Variants in UVRAG observed in about 807,000 individuals in gnomAD.
UVRAG encodes the protein UV radiation resistance-associated gene protein.
A neutral mutation model predicts 78.0 loss-of-function variants in UVRAG; 19 were observed. The ratio of observed to expected loss-of-function variants is 0.24; its 90% CI spans 0.17 to 0.36. The LOEUF is 0.36. UVRAG is among the 10% of genes least tolerant of loss of function. UVRAG has a pLI of 1.00. For synonymous variants in UVRAG, 323 were observed against 324.6 expected, an observed-to-expected ratio of 1.00 and a Z score of 0.05; for missense variants, 740 against 853.8, an observed-to-expected ratio of 0.87 and a Z score of 1.66.
chr11:75,837,204 G>A (rs1590916874), intron 1 of UVRAG, among the ~76,000 whole-genome samples: 1 of 151,988 alleles, frequency 6.6e-6, no homozygotes, highest in Non-Finnish European at 1.5e-5. Context: ...GCAGGCACCT[G>A]TAGTCCCAGC....
intron 14 of UVRAG, among the ~76,000 whole-genome samples, chr11:76,129,013 A>G (rs75429581): frequency 0.021 from 3,224 of 152,340 alleles, 41 homozygotes; most frequent in South Asian, 0.041. Flanking sequence ...ACTGCAAACC[A>G]GGCACTCTTC....
intron 5 of UVRAG, among the ~76,000 whole-genome samples, chr11:75,900,190 C>G (rs538011857): frequency 1.2e-4 from 18 of 152,282 alleles, no homozygotes; most frequent in African/African-American, 4.1e-4. Context: ...TAAACAGAAA[C>G]AGAGTTCGAC....
intron 12 of UVRAG, 47 bp from the exon 13 acceptor site, chr11:76,065,663 A>G (rs1651440729): frequency 6.3e-7 from 1 of 1,579,486 alleles, no homozygotes; most frequent in Non-Finnish European, 8.7e-7. Context: ...TGGAGGTTGT[A>G]TTTACTCAGC....
At chr11:76,060,884 G>A (rs1028756344) in intron 12 of UVRAG, among the ~76,000 whole-genome samples, 6 of 152,214 alleles carry the variant, frequency 3.9e-5, no homozygotes, top group South Asian at 2.1e-4. Context: ...AAGCCTCCCC[G>A]ACGAGCACTG....
rs1565326083 is a variant in UVRAG, at chr11:75,815,383, G to T, written c.-25G>T. 7 of 1,197,710 alleles carry T rather than the reference G, an allele frequency of 5.8e-6. No individual in the cohort carries two copies. The East Asian group carries it at 1.9e-4, about 33-fold the overall frequency. 74.2% of individuals were successfully genotyped at this position (1,197,710 alleles called of 1,614,324 possible). ...CGGATGCCGGAAGAGTGCCCGCCCC[G>T]CCGCTTGGCGGCCCCTGGATCGAGA... On this transcript the variant is annotated 5_prime_UTR_variant, in exon 1 of 15. Transcript: ENST00000356136.
chr11:76,011,854 C>G (rs1950057180), intron 11 of UVRAG, among the ~76,000 whole-genome samples: 1 of 152,106 alleles, frequency 6.6e-6, no homozygotes. Context: ...GTGTCAGGCA[C>G]TTAGAAGTTT....
chr11:76,044,800 A>G (rs973145027), intron 12 of UVRAG, among the ~76,000 whole-genome samples: 1 of 152,164 alleles, frequency 6.6e-6, no homozygotes, highest in Non-Finnish European at 1.5e-5. Context: ...AGAAAGAAAA[A>G]AAATTTTAAA....
At chr11:76,001,678 A>G (rs1949817394) in intron 8 of UVRAG, among the ~76,000 whole-genome samples, 1 of 152,250 alleles carries the variant, frequency 6.6e-6, no homozygotes, top group South Asian at 2.1e-4. Context: ...TGATGGCAGC[A>G]TCTCACAAGG....
chr11:75,836,560 T>C (rs1466540692), intron 1 of UVRAG, among the ~76,000 whole-genome samples: 28 of 152,210 alleles, frequency 1.8e-4, no homozygotes, highest in Non-Finnish European at 1.5e-5. Context: ...GATCCATCAA[T>C]TCTTTCTTCA....
chr11:76,120,123 C>T (rs371840994), intron 14 of UVRAG, among the ~76,000 whole-genome samples: 3 of 152,232 alleles, frequency 2.0e-5, no homozygotes, highest in East Asian at 1.9e-4. Context: ...TTAAGAAAAG[C>T]CGCTTTATGA....
At chr11:76,051,100 G>C (rs556261079) in intron 12 of UVRAG, among the ~76,000 whole-genome samples, 1 of 152,290 alleles carries the variant, frequency 6.6e-6, no homozygotes, top group African/African-American at 2.4e-5. Context: ...ATACGTTTAA[G>C]CAAATCAATA....
At chr11:75,816,755 T>C (rs1945270400) in intron 1 of UVRAG, among the ~76,000 whole-genome samples, 1 of 152,100 alleles carries the variant, frequency 6.6e-6, no homozygotes, top group Non-Finnish European at 1.5e-5. Flanking sequence ...CCTCCAACTT[T>C]CCATCAGCTA....
At chr11:76,131,272 G>A (rs1952508685) in intron 14 of UVRAG, among the ~76,000 whole-genome samples, 1 of 152,162 alleles carries the variant, frequency 6.6e-6, no homozygotes, top group African/African-American at 2.4e-5. Flanking sequence ...TATCTCCGTG[G>A]AGGATCACTG....
intron 7 of UVRAG, among the ~76,000 whole-genome samples, chr11:75,964,147 T>G (rs1249725385): frequency 6.6e-6 from 1 of 152,244 alleles, no homozygotes; most frequent in East Asian, 1.9e-4. Context: ...ATTTAATTTG[T>G]TAAAAAATTT....
intron 1 of UVRAG, among the ~76,000 whole-genome samples, chr11:75,843,483 A>T (rs1179384978): frequency 6.6e-6 from 1 of 152,198 alleles, no homozygotes; most frequent in Non-Finnish European, 1.5e-5. Flanking sequence ...GTTTGTCATC[A>T]TAGTACTCAT....
intron 5 of UVRAG, among the ~76,000 whole-genome samples, chr11:75,908,712 CTTTTTTT>C (rs1024795820): frequency 2.6e-3 from 119 of 45,442 alleles, no homozygotes; most frequent in African/African-American, 9.4e-3. Context: ...TGGTTCTGGG[CTTTTTTT>C]TTTTTTTTTT....
chr11:76,104,626 C>G (rs972103421), intron 13 of UVRAG, among the ~76,000 whole-genome samples: 2 of 152,206 alleles, frequency 1.3e-5, no homozygotes, highest in Non-Finnish European at 2.9e-5. Context: ...TTCCAAATTT[C>G]CCGTTACAAA....
intron 13 of UVRAG, among the ~76,000 whole-genome samples, chr11:76,088,527 G>A (rs1379868234): frequency 9.2e-6 from 1 of 108,614 alleles, no homozygotes; most frequent in East Asian, 3.3e-4. Context: ...AGACTCTTTT[G>A]CATGGCAAAG....
intron 13 of UVRAG, among the ~76,000 whole-genome samples, chr11:76,093,776 T>C (rs1437119825): frequency 6.6e-6 from 1 of 152,242 alleles, no homozygotes; most frequent in Non-Finnish European, 1.5e-5. Flanking sequence ...AATGGGGTTT[T>C]CTAGATATAC....
Sources: allele counts gnomAD v4.1 joint callset (sites outside exome capture counted in the v4.1 genomes callset), GRCh38; gene constraint gnomAD v4.1.1; transcripts MANE v1.5; gene names NCBI Gene and HGNC (gene_info 2026-07-23, HGNC 2026-07-21).